The following NBEA variants were observed in gnomAD, a reference collection of about 807,000 sequenced individuals.
NBEA encodes lysosomal-trafficking regulator 2.
Under a neutral mutation model 343.4 loss-of-function variants are expected in NBEA, and 44 were observed. The observed-to-expected ratio is 0.13, with a 90% CI of 0.10 to 0.16. The LOEUF is 0.16. NBEA is among the 10% of genes least tolerant of loss of function. The pLI is 1.00. For missense variants in NBEA, 2,555 were observed against 3,631.3 expected (o/e 0.70, Z 7.62); for synonymous variants, 1,175 against 1,238.7 (o/e 0.95, Z 1.08).
Position 35,293,356 on chromosome 13 carries a change from G to T in NBEA, c.5838+2906G>T, listed in dbSNP as rs572203362. ...TTCCACAAATACCCAAAACATTTTTGACTGTATTCTGGATTTTTTTCTGAT... is the reference window on the plus strand; with the variant it reads ...TTCCACAAATACCCAAAACATTTTTTACTGTATTCTGGATTTTTTTCTGAT... On this transcript the variant is annotated intron_variant, in intron 35 of 58. Coordinates refer to ENST00000379939, the MANE Select transcript of NBEA (RefSeq NM_001385012.1). Among the ~76,000 whole-genome samples the T allele has an allele frequency of 9.2e-5, 14 of 151,870 alleles. No homozygotes were observed. The East Asian group carries it at 2.1e-3, about 23-fold the overall frequency.
At chr13:35,590,960 G>T (rs961530941) in intron 46 of NBEA, among the ~76,000 whole-genome samples, 4 of 152,036 alleles carry the variant, frequency 2.6e-5, no homozygotes, top group African/African-American at 9.7e-5. Flanking sequence ...CTTGGGGCTG[G>T]GGATAGAGAG....
At chr13:35,565,738 C>T (rs186575618) in intron 44 of NBEA, among the ~76,000 whole-genome samples, 6 of 152,172 alleles carry the variant, frequency 3.9e-5, no homozygotes, top group African/African-American at 1.2e-4. Context: ...GAGGGGGGGC[C>T]GCAGCTTGCT....
intron 1 of NBEA, among the ~76,000 whole-genome samples, chr13:35,035,182 T>G (rs1278607879): frequency 6.6e-6 from 1 of 151,892 alleles, no homozygotes; most frequent in African/African-American, 2.4e-5. Flanking sequence ...GTACTGCTTT[T>G]GTTGTATCCC....
chr13:35,121,103 T>C (rs2066771747), intron 16 of NBEA, among the ~76,000 whole-genome samples: 1 of 152,074 alleles, frequency 6.6e-6, no homozygotes, highest in African/African-American at 2.4e-5. Context: ...TGTGAGGGTT[T>C]TTTTTAATTT....
intron 10 of NBEA, among the ~76,000 whole-genome samples, chr13:35,086,953 A>T (rs891714797): frequency 6.6e-6 from 1 of 151,758 alleles, no homozygotes; most frequent in Non-Finnish European, 1.5e-5. Context: ...TTCTTTTGAG[A>T]GATGTATGTT....
intron 49 of NBEA, among the ~76,000 whole-genome samples, chr13:35,643,243 T>C (rs1262434024): frequency 6.6e-6 from 1 of 152,098 alleles, no homozygotes; most frequent in Non-Finnish European, 1.5e-5. Context: ...TAAGAACCTA[T>C]TCCCCTTCCC....
At chr13:35,156,498 A>G (rs1287226729) in intron 20 of NBEA, among the ~76,000 whole-genome samples, 4 of 152,136 alleles carry the variant, frequency 2.6e-5, no homozygotes, top group Non-Finnish European at 5.9e-5. Context: ...TCTATCACCA[A>G]TGGAACTTTC....
At chr13:34,999,204 T>A (rs1372843165) in intron 1 of NBEA, among the ~76,000 whole-genome samples, 2 of 152,170 alleles carry the variant, frequency 1.3e-5, no homozygotes, top group African/African-American at 2.4e-5. Flanking sequence ...AATATATTTT[T>A]AAAAATTTTT....
chr13:35,533,667 CTGTT>C (rs1165985831), intron 41 of NBEA, among the ~76,000 whole-genome samples: 2 of 152,080 alleles, frequency 1.3e-5, no homozygotes, highest in Non-Finnish European at 2.9e-5. Context: ...TATTAACACT[CTGTT>C]TGCTACATAA....
chr13:35,519,221 A>C (rs977194587), intron 41 of NBEA, among the ~76,000 whole-genome samples: 1 of 152,070 alleles, frequency 6.6e-6, no homozygotes, highest in Non-Finnish European at 1.5e-5. Context: ...TTTGGGGAAA[A>C]GTAAAAATTT....
intron 31 of NBEA, among the ~76,000 whole-genome samples, chr13:35,203,708 C>CT (rs1337644799): frequency 6.6e-6 from 1 of 152,138 alleles, no homozygotes; most frequent in African/African-American, 2.4e-5. Context: ...AGAATTCACA[C>CT]TTACATGTAT....
chr13:34,951,123 A>G (rs919879796), intron 1 of NBEA, among the ~76,000 whole-genome samples: 2 of 152,218 alleles, frequency 1.3e-5, no homozygotes, highest in African/African-American at 4.8e-5. Flanking sequence ...GGTTCCTATA[A>G]TTTATTCTTA....
intron 25 of NBEA, among the ~76,000 whole-genome samples, chr13:35,170,150 C>CT (rs910434257): frequency 1.3e-5 from 2 of 151,550 alleles, no homozygotes; most frequent in African/African-American, 4.8e-5. Flanking sequence ...ATTTTGAGTT[C>CT]TTTTTTCAGT....
At chr13:35,163,808 T>C (rs777624618) in intron 23 of NBEA, among the ~76,000 whole-genome samples, 1 of 152,100 alleles carries the variant, frequency 6.6e-6, no homozygotes, top group Non-Finnish European at 1.5e-5. Context: ...GTCACTTCTT[T>C]AGCAGTATAC....
chr13:35,084,283 G>A (rs1029862207), intron 10 of NBEA, among the ~76,000 whole-genome samples: 1 of 152,082 alleles, frequency 6.6e-6, no homozygotes, highest in Non-Finnish European at 1.5e-5. Flanking sequence ...ATTCTTTTCA[G>A]CACCACACCA....
chr13:35,249,010 A>G (rs1490965642), intron 34 of NBEA, among the ~76,000 whole-genome samples: 1 of 152,070 alleles, frequency 6.6e-6, no homozygotes, highest in African/African-American at 2.4e-5. Flanking sequence ...TTAGCCGGGC[A>G]TGTTGGCATA....
chr13:35,094,081 T>C (rs562343412), intron 10 of NBEA, among the ~76,000 whole-genome samples: 1 of 151,974 alleles, frequency 6.6e-6, no homozygotes, highest in Non-Finnish European at 1.5e-5. Flanking sequence ...AGCACTTTTT[T>C]ATACTTCTTA....
At position 35,658,185 on chromosome 13, in the gene NBEA, G is replaced by GT. The variant is rs200218387; in HGVS notation, c.8362+2440dup. Among the ~76,000 whole-genome samples, 804 of 152,180 alleles carry GT rather than the reference G, an allele frequency of 5.3e-3. 5 individuals carry two copies. The highest frequency in any genetic ancestry group is 0.017 in the African/African-American group (718 of 41,546). ...TGTTAAAAAGCAGTGTCATATTTTAGTTTTAAGTAAGGACAAGATTATCTT... is the reference window on the plus strand; with the variant it reads ...TGTTAAAAAGCAGTGTCATATTTTAGTTTTTAAGTAAGGACAAGATTATCTT... On this transcript the variant is annotated intron_variant, in intron 55 of 58. Coordinates refer to ENST00000379939, the MANE Select transcript of NBEA (RefSeq NM_001385012.1).
chr13:35,005,345 A>C (rs575333013), intron 1 of NBEA, among the ~76,000 whole-genome samples: 1 of 152,058 alleles, frequency 6.6e-6, no homozygotes, highest in Non-Finnish European at 1.5e-5. Flanking sequence ...CTGTGATGCA[A>C]ACTCACTGTG....
Sources: allele counts gnomAD v4.1 joint callset (sites outside exome capture counted in the v4.1 genomes callset), GRCh38; gene constraint gnomAD v4.1.1; transcripts MANE v1.5; gene names NCBI Gene and HGNC (gene_info 2026-07-23, HGNC 2026-07-21).